HMGB1: variants seen among roughly 807,000 people sequenced by gnomAD.
The protein encoded by HMGB1 is high mobility group protein B1.
For synonymous variants in HMGB1, 81 were observed against 84.0 expected (o/e 0.96, Z 0.19); for missense variants, 79 against 253.5 (o/e 0.31, Z 4.67).
chr13:30,501,228 A>G (rs1234489930), intron 1 of HMGB1, among the ~76,000 whole-genome samples: 1 of 152,240 alleles, frequency 6.6e-6, no homozygotes, highest in African/African-American at 2.4e-5. Context: ...CATACTTTTA[A>G]GCTATATATA....
At chr13:30,596,035 AAAC>A (rs1339424160) in intron 1 of HMGB1, among the ~76,000 whole-genome samples, 2 of 152,224 alleles carry the variant, frequency 1.3e-5, no homozygotes, top group Non-Finnish European at 2.9e-5. Flanking sequence ...ACAGAAGAGA[AAAC>A]ACCAGGGGAG....
intron 1 of HMGB1, among the ~76,000 whole-genome samples, chr13:30,592,398 C>T (rs1007074827): frequency 7.9e-5 from 12 of 152,136 alleles, no homozygotes; most frequent in African/African-American, 2.9e-4. Context: ...TACCAGTCTT[C>T]CCAGGTAATA....
chr13:30,475,142 T>C (rs1593264818), intron 1 of HMGB1, among the ~76,000 whole-genome samples: 1 of 110,872 alleles, frequency 9.0e-6, no homozygotes, highest in Non-Finnish European at 2.0e-5. Context: ...CTCTCTCTTT[T>C]TTTTTTTTTT....
chr13:30,484,575 T>C (rs1165565633), intron 1 of HMGB1, among the ~76,000 whole-genome samples: 3 of 152,086 alleles, frequency 2.0e-5, no homozygotes, highest in African/African-American at 4.8e-5. Context: ...GTTTTCACCA[T>C]TAAGAAAAAA....
intron 1 of HMGB1, among the ~76,000 whole-genome samples, chr13:30,614,339 G>C (rs2137578991): frequency 6.6e-6 from 1 of 152,300 alleles, no homozygotes; most frequent in Non-Finnish European, 1.5e-5. Flanking sequence ...TTTAAAGCAG[G>C]TGGTACTTCT....
At chr13:30,610,063 A>G (rs1950499345) in intron 1 of HMGB1, among the ~76,000 whole-genome samples, 1 of 152,254 alleles carries the variant, frequency 6.6e-6, no homozygotes, top group African/African-American at 2.4e-5. Flanking sequence ...AATGATTAGT[A>G]AATATACTTA....
At chr13:30,496,491 C>G (rs898921860) in intron 1 of HMGB1, among the ~76,000 whole-genome samples, 6 of 152,170 alleles carry the variant, frequency 3.9e-5, no homozygotes, top group Non-Finnish European at 8.8e-5. Context: ...CCAGGAAATG[C>G]ACTTTTGCAA....
chr13:30,464,450 G>T, intron 1 of HMGB1: 1 of 985,296 alleles, frequency 1.0e-6, no homozygotes, highest in Non-Finnish European at 1.2e-6. Context: ...GTGAAAGTTG[G>T]GGTGACTCCT....
chr13:30,567,955 G>A (rs1414307058), intron 1 of HMGB1, among the ~76,000 whole-genome samples: 4 of 152,200 alleles, frequency 2.6e-5, no homozygotes, highest in African/African-American at 9.7e-5. Flanking sequence ...TAAAGATGAA[G>A]ACTCGTCCAT....
chr13:30,537,884 G>A (rs1336693159), intron 1 of HMGB1, among the ~76,000 whole-genome samples: 2 of 151,574 alleles, frequency 1.3e-5, no homozygotes, highest in African/African-American at 2.4e-5. Flanking sequence ...GAAAATTGCT[G>A]GAATTAATTC....
chr13:30,465,179 TCCCCCCGCC>T (rs1886687628), intron 1 of HMGB1: 1 of 928,956 alleles, frequency 1.1e-6, no homozygotes, highest in African/African-American at 2.0e-5. Context: ...GCGGCGCCGC[TCCCCCCGCC>T]GCCCGGCCGC....
chr13:30,552,268 T>G (rs1265648298), intron 1 of HMGB1, among the ~76,000 whole-genome samples: 3 of 152,256 alleles, frequency 2.0e-5, no homozygotes, highest in Admixed American at 1.3e-4. Flanking sequence ...CTGAATCATT[T>G]GAGAGTAAGT....
chr13:30,493,873 G>A (rs1252765446), intron 1 of HMGB1, among the ~76,000 whole-genome samples: 1 of 152,000 alleles, frequency 6.6e-6, no homozygotes, highest in Non-Finnish European at 1.5e-5. Context: ...AGCTGCTCAG[G>A]AGGCTGAGGT....
intron 1 of HMGB1, among the ~76,000 whole-genome samples, chr13:30,503,142 C>T (rs577414253): frequency 6.9e-6 from 1 of 145,448 alleles, no homozygotes; most frequent in Non-Finnish European, 1.5e-5. Flanking sequence ...CGAGACCATC[C>T]TGGCTGACAT....
chr13:30,552,950 T>G (rs1472241910), intron 1 of HMGB1, among the ~76,000 whole-genome samples: 1 of 152,210 alleles, frequency 6.6e-6, no homozygotes, highest in Non-Finnish European at 1.5e-5. Context: ...ACATTGGAGC[T>G]GTGACACAGG....
rs192304041 is a variant in HMGB1 at position 30,576,424 on chromosome 13, C to A, written c.-15+40247G>T. ...ATTCTAAGCCTGTTCCCTTTTCTCA[C>A]CTAAGAATACAAATTTGATACAAAG... is the stretch of plus-strand genomic sequence containing the variant. On this transcript the variant is annotated intron_variant, in intron 1 of 4. Transcript: ENST00000405805. Among the ~76,000 whole-genome samples, 7 of 152,212 alleles carry A rather than the reference C, an allele frequency of 4.6e-5. No homozygotes were observed. In the East Asian group the frequency reaches 1.4e-3, roughly 29 times the overall value.
rs1393337123 is a variant in HMGB1 at position 30,561,825 on chromosome 13, A to C, written c.-15+54846T>G. On this transcript the variant is annotated intron_variant, in intron 1 of 4. Coordinates refer to the HMGB1 transcript ENST00000405805. ...AGACAGAAGACAAAGCGGATCATCA[A>C]GATAGTGGAATTTACTGAAATGAGA... 2.0e-5 allele frequency among the ~76,000 whole-genome samples: 3 copies of C among 152,214 alleles called. No homozygotes were observed. The East Asian group carries it at 5.8e-4, about 29-fold the overall frequency.
chr13:30,549,336 T>C (rs1227523284), intron 1 of HMGB1, among the ~76,000 whole-genome samples: 1 of 152,152 alleles, frequency 6.6e-6, no homozygotes, highest in African/African-American at 2.4e-5. Flanking sequence ...TCTCTGTATT[T>C]GACAGATTCT....
At chr13:30,553,909 G>C in intron 1 of HMGB1, 1 of 1,396,100 alleles carries the variant, frequency 7.2e-7, no homozygotes, top group Non-Finnish European at 1.0e-6. Context: ...GAAGAGGCAC[G>C]AAGGAGTTAC....
Sources: gnomAD v4.1 joint callset for allele counts (sites outside exome capture counted in the v4.1 genomes callset) on GRCh38, gnomAD v4.1.1 for gene constraint, MANE v1.5 for transcripts, NCBI Gene and HGNC (gene_info 2026-07-23, HGNC 2026-07-21) for gene names.